Variants in PCDHB12 observed in about 807,000 individuals in gnomAD.
PCDHB12 encodes protocadherin beta 12.
For synonymous variants in PCDHB12, 560 were observed against 445.2 expected, an observed-to-expected ratio of 1.26 and a Z score of -3.24; for missense variants, 1,192 against 998.2, an observed-to-expected ratio of 1.19 and a Z score of -2.62.
Position 141,209,948 on chromosome 5 carries a change from C to G in PCDHB12, c.1041C>G (p.Ile347Met). The change falls in exon 1 of 1, where the codon ATC becomes ATG. Residue 347 changes from isoleucine to methionine, a missense_variant. By Grantham distance (10) the Ile-to-Met change is conservative. Transcript: ENST00000239450. ...VMDVNDNAPE[I>M]TVSSITSPIP... ...ATGTAAACGACAACGCTCCTGAAAT[C>G]ACTGTGTCATCAATTACCAGTCCAA... The G allele has an allele frequency of 6.2e-7, 1 of 1,614,176 alleles. No individual in the cohort carries two copies.
chr5:141,211,108 G>A lies in PCDHB12; in HGVS notation c.2201G>A (p.Gly734Glu), dbSNP rs1440370662. The A allele has an allele frequency of 9.3e-6, 15 of 1,614,010 alleles. No homozygotes were observed. The highest frequency in any genetic ancestry group is 1.2e-5 in the Non-Finnish European group (14 of 1,180,046). ...RCSVPEGPFPGHLVDVSGTGT... is the reference protein window; with the variant it reads ...RCSVPEGPFPEHLVDVSGTGT... ...TCGGTGCCTGAGGGCCCCTTTCCAG[G>A]ACATCTGGTGGACGTGAGTGGCACC... Residue 734 changes from glycine to glutamate, a missense_variant, in exon 1 of 1, where the codon GGA becomes GAA. Gly to Glu is a moderately conservative substitution (Grantham distance 98, BLOSUM62 -2). Transcript: ENST00000239450.
At position 141,211,283 on chromosome 5, in the gene PCDHB12, T is replaced by C. The variant is rs1554287192; in HGVS notation, c.2376T>C (p.Asn792=). ...AAGAAAATCCCCCATTTCAGAATAA[T>C]TTGGGTTTCTGATAAAGAATGAAAA... ...EVEENPPFQN[N]LGF The change falls in exon 1 of 1, where the codon AAT becomes AAC. Residue 792 remains asparagine (N), a synonymous_variant. Coordinates refer to ENST00000239450, the MANE Select transcript of PCDHB12 (RefSeq NM_018932.4). 4.4e-6 allele frequency: 7 copies of C among 1,586,254 alleles called. No individual in the cohort carries two copies. The Admixed American group carries it at 9.3e-5, about 21-fold the overall frequency.
Position 141,208,737 on chromosome 5 carries a change from G to A in PCDHB12, c.-171G>A. The A allele has an allele frequency of 2.0e-6, 1 of 511,962 alleles. No individual in the cohort carries two copies. Among genetic ancestry groups the A allele is most frequent in the Non-Finnish European group, 3.3e-6 (1 of 303,706 alleles). 31.7% of individuals were successfully genotyped at this position (511,962 alleles called of 1,614,324 possible). A position where few individuals can be genotyped will look rare whatever the true frequency, so the allele number is the denominator to read the frequency against. On this transcript the variant is annotated 5_prime_UTR_variant, in exon 1 of 1. Coordinates refer to ENST00000239450, the MANE Select transcript of PCDHB12 (RefSeq NM_018932.4). The stretch of plus-strand genomic sequence containing the variant: ...GTTATCCAGTACACGCGGAGAACTG[G>A]GAAGACAGAAAGAACAATCCTTTAA...
Position 141,209,636 on chromosome 5 carries a change from G to A in PCDHB12, c.729G>A (p.Glu243=), listed in dbSNP as rs1554286701. The change falls in exon 1 of 1, where the codon GAG becomes GAA. Residue 243 remains glutamate (E), a synonymous_variant. Transcript: ENST00000239450. ...VDINDNSPEF[E]QAFYEVKILE... ...TTAATGACAACTCCCCTGAGTTTGAGCAGGCTTTTTATGAGGTGAAGATTC... is the reference window on the plus strand; with the variant it reads ...TTAATGACAACTCCCCTGAGTTTGAACAGGCTTTTTATGAGGTGAAGATTC... The A allele has an allele frequency of 1.2e-6, 2 of 1,614,202 alleles. No homozygotes were observed. The highest frequency in any genetic ancestry group is 1.7e-6 in the Non-Finnish European group (2 of 1,180,042).
At position 141,209,821 on chromosome 5, in the gene PCDHB12, C is replaced by A. The variant is rs1554286754; in HGVS notation, c.914C>A (p.Ala305Glu). Residue 305 changes from alanine (A) to glutamate (E), a missense_variant, in exon 1 of 1, where the codon GCA (alanine) becomes GAA (glutamate). Transcript: ENST00000239450. ...AAGTCTGGTGACATTACTTTAACAGCACCTTTGGATTTTGAAGCAATTGAG... is the reference window on the plus strand; with the variant it reads ...AAGTCTGGTGACATTACTTTAACAGAACCTTTGGATTTTGAAGCAATTGAG... Reference protein sequence around the residue: ...NQKSGDITLTAPLDFEAIESY... With the variant: ...NQKSGDITLTEPLDFEAIESY... The A allele has an allele frequency of 1.2e-6, 2 of 1,614,208 alleles. No individual in the cohort carries two copies. Among genetic ancestry groups the A allele is most frequent in the Non-Finnish European group, 1.7e-6 (2 of 1,180,032 alleles).
At position 141,209,243 on chromosome 5, in the gene PCDHB12, C is replaced by T; in HGVS notation, c.336C>T (p.Asn112=). Reference sequence around the variant, plus strand: ...TGTATTTCCAAGTGTTAATGAAAAACCCCACGCAGTTTTTACAAATTGAGC... The same window carrying T: ...TGTATTTCCAAGTGTTAATGAAAAATCCCACGCAGTTTTTACAAATTGAGC... ...CVLYFQVLMK[N]PTQFLQIELQ... is the part of the protein sequence containing the mutation. Residue 112 remains asparagine, a synonymous_variant, in exon 1 of 1, where the codon AAC becomes AAT. Coordinates refer to ENST00000239450, the MANE Select transcript of PCDHB12 (RefSeq NM_018932.4). 1.9e-6 allele frequency: 3 copies of T among 1,614,162 alleles called. No individual in the cohort carries two copies. The highest frequency in any genetic ancestry group is 2.5e-6 in the Non-Finnish European group (3 of 1,180,034).
rs200678792 is a variant in PCDHB12, at chr5:141,210,364, T to C, written c.1457T>C (p.Val486Ala). 1,269 of 1,612,968 alleles carry C rather than the reference T, an allele frequency of 7.9e-4. 14 individuals are homozygous for C. In the South Asian group the frequency reaches 7.9e-3, roughly 10 times the overall value. Residue 486 changes from valine (V) to alanine (A), a missense_variant, in exon 1 of 1, where the codon GTC (valine) becomes GCC (alanine). Physicochemically the swap from Val to Ala is moderately conservative, Grantham distance 64. Transcript: ENST00000239450. ...TDRDSGTNAQ[V>A]NYSLLPSQDP... The stretch of plus-strand genomic sequence containing the variant: ...AGAGACTCGGGCACCAACGCCCAGG[T>C]CAACTACTCGCTGCTGCCGTCCCAG...
chr5:141,211,079 C>A lies in PCDHB12; in HGVS notation c.2172C>A (p.Arg724=), dbSNP rs1317666708. Residue 724 remains arginine (R), a synonymous_variant, in exon 1 of 1, where the codon CGC becomes CGA. Coordinates refer to ENST00000239450, the MANE Select transcript of PCDHB12 (RefSeq NM_018932.4). ...GGAGCAGGGCGGCCCCGGTCGGTCG[C>A]TGCTCGGTGCCTGAGGGCCCCTTTC... ...CRRSRAAPVG[R]CSVPEGPFPG... is the part of the protein sequence containing the mutation. 6.2e-7 allele frequency: 1 copy of A among 1,613,738 alleles called. No homozygotes were observed. Among genetic ancestry groups the A allele is most frequent in the Non-Finnish European group, 8.5e-7 (1 of 1,180,038 alleles).
rs1352028907 is a variant in PCDHB12 at position 141,211,662 on chromosome 5, T to C, written c.*367T>C. The C allele has an allele frequency of 3.9e-6, 1 of 254,072 alleles. No homozygotes were observed. The highest frequency in any genetic ancestry group is 5.2e-5 in the South Asian group (1 of 19,162). 15.7% of individuals were successfully genotyped at this position (254,072 alleles called of 1,614,324 possible). A position where few individuals can be genotyped will look rare whatever the true frequency, so the allele number is the denominator to read the frequency against. ...ACCCTAGTTTCAGAAGCATAGATTGTAGTGTACCTTTTTAAACTTTATTTT... is the reference window on the plus strand; with the variant it reads ...ACCCTAGTTTCAGAAGCATAGATTGCAGTGTACCTTTTTAAACTTTATTTT... On this transcript the variant is annotated 3_prime_UTR_variant, in exon 1 of 1. Coordinates refer to ENST00000239450, the MANE Select transcript of PCDHB12 (RefSeq NM_018932.4).
Position 141,211,339 on chromosome 5 carries a change from A to G in PCDHB12, c.*44A>G. 1 of 1,542,974 alleles carries G rather than the reference A, an allele frequency of 6.5e-7. No homozygotes were observed. Reference sequence around the variant, plus strand: ...ACCTGTGTTTATGAATACATTTATAATTAGGAACTTATCGTGAGGTGCCTG... The same window carrying G: ...ACCTGTGTTTATGAATACATTTATAGTTAGGAACTTATCGTGAGGTGCCTG... On this transcript the variant is annotated 3_prime_UTR_variant, in exon 1 of 1. Coordinates refer to ENST00000239450, the MANE Select transcript of PCDHB12 (RefSeq NM_018932.4).
At position 141,210,918 on chromosome 5, in the gene PCDHB12, C is replaced by T; in HGVS notation, c.2011C>T (p.Leu671=). Residue 671 remains leucine, a synonymous_variant, in exon 1 of 1, where the codon CTG becomes TTG. Coordinates refer to ENST00000239450, the MANE Select transcript of PCDHB12 (RefSeq NM_018932.4). ...GGTGGACGGCTTCTCCCAGCCCTAC[C>T]TGCCTCTCCCGGAGGCGGCCCCGGC... The part of the protein sequence containing the change: ...LLVDGFSQPY[L]PLPEAAPAQA... 1 of 1,610,408 alleles carries T rather than the reference C, an allele frequency of 6.2e-7. No individual in the cohort carries two copies. Among genetic ancestry groups the T allele is most frequent in the East Asian group, 2.2e-5 (1 of 44,866 alleles).
At position 141,210,387 on chromosome 5, in the gene PCDHB12, C is replaced by T; in HGVS notation, c.1480C>T (p.Gln494Ter). The change falls in exon 1 of 1, where the codon CAG becomes TAG. Residue 494 changes from glutamine to a stop codon, truncating the protein, a stop_gained. Coordinates refer to ENST00000239450, the MANE Select transcript of PCDHB12 (RefSeq NM_018932.4). LOFTEE classifies it low-confidence loss of function (END_TRUNC). ...AQVNYSLLPS[Q>*]DPHLPLASLV... The stretch of plus-strand genomic sequence containing the variant: ...GGTCAACTACTCGCTGCTGCCGTCC[C>T]AGGACCCGCACCTGCCCCTCGCCTC... The T allele has an allele frequency of 5.0e-6, 8 of 1,613,056 alleles. No homozygotes were observed. Among genetic ancestry groups the T allele is most frequent in the Non-Finnish European group, 5.1e-6 (6 of 1,180,030 alleles).
In PCDHB12 at chr5:141,209,730, A is replaced by G. The variant is rs782454702; in HGVS notation, c.823A>G (p.Ser275Gly). The G allele has an allele frequency of 8.7e-6, 14 of 1,614,146 alleles. No individual in the cohort carries two copies. In the Admixed American group the frequency reaches 2.3e-4, roughly 27 times the overall value. ...SAWDLDSGTN[S>G]ELSYTFSHAS... is the part of the protein sequence containing the mutation. ...CTGGGATTTAGACTCTGGAACAAACAGTGAACTATCCTATACCTTTTCCCA... is the reference window on the plus strand; with the variant it reads ...CTGGGATTTAGACTCTGGAACAAACGGTGAACTATCCTATACCTTTTCCCA... The change falls in exon 1 of 1, where the codon AGT (serine) becomes GGT (glycine). Residue 275 changes from serine (S) to glycine (G), a missense_variant. Coordinates refer to ENST00000239450, the MANE Select transcript of PCDHB12 (RefSeq NM_018932.4).
chr5:141,208,726 G>A lies in PCDHB12; in HGVS notation c.-182G>A. 1 of 475,858 alleles carries A rather than the reference G, an allele frequency of 2.1e-6. No homozygotes were observed. Among genetic ancestry groups the A allele is most frequent in the Non-Finnish European group, 3.6e-6 (1 of 278,390 alleles). 29.5% of individuals were successfully genotyped at this position (475,858 alleles called of 1,614,324 possible). A position where few individuals can be genotyped will look rare whatever the true frequency, so the allele number is the denominator to read the frequency against. On this transcript the variant is annotated 5_prime_UTR_variant, in exon 1 of 1. Transcript: ENST00000239450. ...TTGTAGACCCTGTTATCCAGTACACGCGGAGAACTGGGAAGACAGAAAGAA... is the reference window on the plus strand; with the variant it reads ...TTGTAGACCCTGTTATCCAGTACACACGGAGAACTGGGAAGACAGAAAGAA...
rs762423655 is a variant in PCDHB12 at position 141,210,290 on chromosome 5, C to A, written c.1383C>A (p.Arg461=). The change falls in exon 1 of 1, where the codon CGC becomes CGA. Residue 461 remains arginine, a synonymous_variant. Coordinates refer to ENST00000239450, the MANE Select transcript of PCDHB12 (RefSeq NM_018932.4). ...AAACTTCCTACGCCCTGTTCGTCCG[C>A]GAGAACAACAGCCCCGCCCTGCACA... ...FTQTSYALFV[R]ENNSPALHIG... 20 of 1,613,838 alleles carry A rather than the reference C, an allele frequency of 1.2e-5. No homozygotes were observed. In the South Asian group the frequency reaches 2.1e-4, roughly 17 times the overall value.
rs147829510 is a variant in PCDHB12, at chr5:141,210,222, G to C, written c.1315G>C (p.Val439Leu). 269 of 1,614,182 alleles carry C rather than the reference G, an allele frequency of 1.7e-4. No individual in the cohort carries two copies. The African/African-American group carries it at 3.0e-3, about 18-fold the overall frequency. The change falls in exon 1 of 1, where the codon GTG (valine) becomes CTG (leucine). Residue 439 changes from valine (V) to leucine (L), a missense_variant. Val to Leu is a conservative substitution (Grantham distance 32). Coordinates refer to ENST00000239450, the MANE Select transcript of PCDHB12 (RefSeq NM_018932.4). Reference protein sequence around the residue: ...PRLKTEHNITVLVSDVNDNAP... With the variant: ...PRLKTEHNITLLVSDVNDNAP... ...GCTAAAAACCGAGCACAACATAACCGTGCTGGTCTCCGACGTCAATGACAA... is the reference window on the plus strand; with the variant it reads ...GCTAAAAACCGAGCACAACATAACCCTGCTGGTCTCCGACGTCAATGACAA...
rs1037129285 is a variant in PCDHB12 at position 141,208,853 on chromosome 5, G to A, written c.-55G>A. The A allele has an allele frequency of 1.4e-6, 2 of 1,467,856 alleles. No individual in the cohort carries two copies. The highest frequency in any genetic ancestry group is 9.1e-7 in the Non-Finnish European group (1 of 1,095,800). The allele number at this position is 1,467,856 out of a possible 1,614,324, so 90.9% of individuals were successfully genotyped here. ...TCAGAGGCACGTTTCCCACAACTGC[G>A]AAGAGGCGCTGAGGCAATTCTGCAA... On this transcript the variant is annotated 5_prime_UTR_variant, in exon 1 of 1. Coordinates refer to ENST00000239450, the MANE Select transcript of PCDHB12 (RefSeq NM_018932.4).
Position 141,210,491 on chromosome 5 carries a change from G to C in PCDHB12, c.1584G>C (p.Gln528His), listed in dbSNP as rs782482527. ...ACTACGAGGCCCTGCAGGGGTTCCA[G>C]TTCCGCGTGGGCGCCACAGACCACG... ...SLDYEALQGF[Q>H]FRVGATDHGS... Residue 528 changes from glutamine (Q) to histidine (H), a missense_variant, in exon 1 of 1, where the codon CAG becomes CAC. Coordinates refer to ENST00000239450, the MANE Select transcript of PCDHB12 (RefSeq NM_018932.4). The C allele has an allele frequency of 2.5e-6, 4 of 1,612,584 alleles. No individual in the cohort carries two copies. In the African/African-American group the frequency reaches 4.0e-5, roughly 16 times the overall value.
rs1754380529 is a variant in PCDHB12 at position 141,209,512 on chromosome 5, A to G, written c.605A>G (p.Tyr202Cys). 1 of 1,614,116 alleles carries G rather than the reference A, an allele frequency of 6.2e-7. No individual in the cohort carries two copies. Among genetic ancestry groups the G allele is most frequent in the Non-Finnish European group, 8.5e-7 (1 of 1,180,050 alleles). Reference sequence around the variant, plus strand: ...TTAGTTCTGGACAAGGCGCTGGATTATGAAGAGCGCCCGGAGCTCAGTTTC... The same window carrying G: ...TTAGTTCTGGACAAGGCGCTGGATTGTGAAGAGCGCCCGGAGCTCAGTTTC... ...PELVLDKALD[Y>C]EERPELSFIL... is the part of the protein sequence containing the mutation. The change falls in exon 1 of 1, where the codon TAT (tyrosine) becomes TGT (cysteine). Residue 202 changes from tyrosine to cysteine, a missense_variant. By Grantham distance (194) the Tyr-to-Cys change is radical. Coordinates refer to ENST00000239450, the MANE Select transcript of PCDHB12 (RefSeq NM_018932.4).
Sources: gnomAD v4.1 joint callset for allele counts on GRCh38, gnomAD v4.1.1 for gene constraint, MANE v1.5 for transcripts, NCBI Gene and HGNC (gene_info 2026-07-23, HGNC 2026-07-21) for gene names.